SMG6: variants seen among roughly 807,000 people sequenced by gnomAD.
The protein encoded by SMG6 is SMG6 nonsense mediated mRNA decay factor, also known as telomerase-binding protein EST1A.
A neutral mutation model predicts 142.2 loss-of-function variants in SMG6; 66 were observed. The ratio of observed to expected loss-of-function variants is 0.46; its 90% CI spans 0.38 to 0.57. SMG6 has a LOEUF of 0.57. SMG6 is among the 20% of genes least tolerant of loss of function. The pLI, the probability that SMG6 is intolerant of heterozygous loss-of-function variation, is 0.00. For missense variants in SMG6, 1,793 were observed against 1,832.0 expected, an observed-to-expected ratio of 0.98 and a Z score of 0.39; for synonymous variants, 779 against 702.4, an observed-to-expected ratio of 1.11 and a Z score of -1.72.
At chr17:2,212,215 C>T (rs2072885614) in intron 10 of SMG6, among the ~76,000 whole-genome samples, 1 of 151,960 alleles carries the variant, frequency 6.6e-6, no homozygotes, top group Non-Finnish European at 1.5e-5. Context: ...ATCCATTCAG[C>T]GAAAAGGCTG....
intron 15 of SMG6, among the ~76,000 whole-genome samples, chr17:2,075,205 C>T (rs1424205117): frequency 6.6e-6 from 1 of 151,404 alleles, no homozygotes; most frequent in African/African-American, 2.4e-5. Flanking sequence ...CCCATTGTTC[C>T]ACAACAGCCC....
chr17:2,303,028 T>C, intron 1 of SMG6: 2 of 985,472 alleles, frequency 2.0e-6, no homozygotes, highest in Non-Finnish European at 2.4e-6. Flanking sequence ...CTGACGTGGC[T>C]GGAGACTTGA....
At chr17:2,136,785 T>C (rs1056676236) in intron 13 of SMG6, among the ~76,000 whole-genome samples, 38 of 152,050 alleles carry the variant, frequency 2.5e-4, no homozygotes, top group African/African-American at 9.2e-4. Flanking sequence ...TTATCCTTCT[T>C]GGTAAGTCCT....
At chr17:2,289,008 G>A (rs1267390983) in intron 6 of SMG6, among the ~76,000 whole-genome samples, 4 of 150,614 alleles carry the variant, frequency 2.7e-5, no homozygotes, top group African/African-American at 9.8e-5. Flanking sequence ...GAACCCGGGA[G>A]GTGGAGCTCG....
intron 8 of SMG6, among the ~76,000 whole-genome samples, chr17:2,268,916 A>G (rs2074484146): frequency 6.9e-6 from 1 of 145,558 alleles, no homozygotes; most frequent in African/African-American, 2.6e-5. Flanking sequence ...CGTCTCAAAA[A>G]AAAAACGATC....
intron 6 of SMG6, among the ~76,000 whole-genome samples, chr17:2,287,563 G>A (rs1381319882): frequency 1.3e-5 from 2 of 152,116 alleles, no homozygotes; most frequent in African/African-American, 2.4e-5. Context: ...CAGAAGAATT[G>A]GAAGCAGGGT....
chr17:2,276,714 C>T (rs943522159), intron 8 of SMG6, among the ~76,000 whole-genome samples: 2 of 152,030 alleles, frequency 1.3e-5, no homozygotes, highest in African/African-American at 4.8e-5. Context: ...AGTAACCCTC[C>T]TTCTACCACT....
intron 13 of SMG6, among the ~76,000 whole-genome samples, chr17:2,138,510 G>C (rs775820109): frequency 3.9e-5 from 6 of 152,160 alleles, no homozygotes; most frequent in Admixed American, 2.0e-4. Context: ...ACCCCTCCCA[G>C]TTTCAGGAGG....
chr17:2,108,237 G>C (rs1373436020), intron 13 of SMG6, among the ~76,000 whole-genome samples: 1 of 152,214 alleles, frequency 6.6e-6, no homozygotes, highest in Admixed American at 6.5e-5. Context: ...ATGTGTGACT[G>C]AGTTGTAACT....
At chr17:2,178,435 ACC>A (rs2071710823) in intron 12 of SMG6, among the ~76,000 whole-genome samples, 2 of 152,200 alleles carry the variant, frequency 1.3e-5, no homozygotes, top group Admixed American at 1.3e-4. Context: ...TCTCATTTAT[ACC>A]AACAAGTCGA....
intron 15 of SMG6, among the ~76,000 whole-genome samples, chr17:2,074,700 A>G (rs1451763189): frequency 3.3e-5 from 5 of 152,162 alleles, no homozygotes; most frequent in Non-Finnish European, 7.4e-5. Context: ...TACCTCCCAT[A>G]CCGCCTGTTG....
chr17:2,282,390 C>CAAAAAAAAAAAAAAAAAA (rs576759563), intron 8 of SMG6, among the ~76,000 whole-genome samples: 1 of 84,526 alleles, frequency 1.2e-5, no homozygotes, highest in African/African-American at 4.4e-5. Context: ...CAAAAAGCAG[C>CAAAAAAAAAAAAAAAAAA]AAAAAAAAAA....
chr17:2,226,711 A>G (rs1274622203), intron 10 of SMG6, among the ~76,000 whole-genome samples: 1 of 152,184 alleles, frequency 6.6e-6, no homozygotes, highest in Non-Finnish European at 1.5e-5. Context: ...CCTTGCCAAC[A>G]TGGTGAAACC....
At chr17:2,205,391 T>C (rs1328164451) in intron 10 of SMG6, among the ~76,000 whole-genome samples, 1 of 152,224 alleles carries the variant, frequency 6.6e-6, no homozygotes, top group African/African-American at 2.4e-5. Context: ...GGCCTGTATC[T>C]AATTTTAAAC....
intron 13 of SMG6, among the ~76,000 whole-genome samples, chr17:2,153,920 C>T (rs948923847): frequency 2.3e-5 from 3 of 132,320 alleles, no homozygotes; most frequent in African/African-American, 5.8e-5. Flanking sequence ...GTGACGGTGA[C>T]GGGGGAACCT....
intron 13 of SMG6, among the ~76,000 whole-genome samples, chr17:2,155,873 C>T (rs866922806): frequency 1.3e-5 from 2 of 152,144 alleles, no homozygotes; most frequent in Admixed American, 6.5e-5. Flanking sequence ...TTAATCCACA[C>T]GCTCCTGATC....
At chr17:2,264,354 C>T (rs776667701) in intron 8 of SMG6, among the ~76,000 whole-genome samples, 2 of 152,198 alleles carry the variant, frequency 1.3e-5, no homozygotes, top group African/African-American at 4.8e-5. Flanking sequence ...TGGCTTAAGT[C>T]GGGATATCAG....
rs2068646389 is a variant in SMG6, at chr17:2,089,186, A to AT, written c.3358-3286dup. On this transcript the variant is annotated intron_variant, in intron 13 of 18. Coordinates refer to ENST00000263073, the MANE Select transcript of SMG6 (RefSeq NM_017575.5). ...GCTCGTGAGCACATTTTTCCACTCT[A>AT]TATCAATGAAAACCAGAGAATGTAA... 9.2e-5 allele frequency among the ~76,000 whole-genome samples: 14 copies of AT among 152,160 alleles called. 1 individual carries two copies. Among genetic ancestry groups the AT allele is most frequent in the Admixed American group, 9.2e-4 (14 of 15,272 alleles).
intron 8 of SMG6, among the ~76,000 whole-genome samples, chr17:2,277,457 G>A (rs1192486865): frequency 6.6e-6 from 1 of 152,054 alleles, no homozygotes; most frequent in African/African-American, 2.4e-5. Flanking sequence ...TAAGCACCAC[G>A]CCCGGCCATA....
Sources: allele counts gnomAD v4.1 joint callset (sites outside exome capture counted in the v4.1 genomes callset), GRCh38; gene constraint gnomAD v4.1.1; transcripts MANE v1.5; gene names NCBI Gene and HGNC (gene_info 2026-07-23, HGNC 2026-07-21).